Variants in DAB2IP observed in about 807,000 individuals in gnomAD.
DAB2IP encodes the protein DAB2 interacting protein, also known as disabled homolog 2-interacting protein.
Under a neutral mutation model 107.2 loss-of-function variants are expected in DAB2IP, and 28 were observed. The observed-to-expected ratio is 0.26, with a 90% CI of 0.19 to 0.36. The LOEUF (loss-of-function observed/expected upper bound fraction) is 0.36. Ranked by LOEUF, DAB2IP falls within the 10% of genes least tolerant of loss-of-function variation. The pLI is 1.00. For missense variants in DAB2IP, 1,400 were observed against 1,644.7 expected, an observed-to-expected ratio of 0.85 and a Z score of 2.57; for synonymous variants, 755 against 706.4, an observed-to-expected ratio of 1.07 and a Z score of -1.09.
At chr9:121,631,555 C>T (rs1425029091) in intron 1 of DAB2IP, among the ~76,000 whole-genome samples, 2 of 152,050 alleles carry the variant, frequency 1.3e-5, no homozygotes, top group Non-Finnish European at 2.9e-5. Context: ...CGGTGGCTCA[C>T]ACCTGTAATC....
rs116369690 is a variant in DAB2IP, at chr9:121,568,577, C to T, written c.40+1349C>T. On this transcript the variant is annotated intron_variant, in intron 1 of 16. Transcript: ENST00000259371. ...CAGTCTGGAATGGGAGACAGACAAA[C>T]GATCCCAGACTAAATTCAGAGTGAT... Among the ~76,000 whole-genome samples the T allele has an allele frequency of 4.0e-3, 602 of 152,308 alleles. 5 individuals carry two copies. Among genetic ancestry groups the T allele is most frequent in the African/African-American group, 0.013 (541 of 41,572 alleles).
In DAB2IP at chr9:121,567,126, C is replaced by T. The variant is rs186002930; in HGVS notation, c.-63C>T. 193 of 1,605,898 alleles carry T rather than the reference C, an allele frequency of 1.2e-4. No homozygotes were observed. The African/African-American group carries it at 1.3e-3, about 10-fold the overall frequency. On this transcript the variant is annotated 5_prime_UTR_variant, in exon 1 of 17. Transcript: ENST00000259371. The stretch of plus-strand genomic sequence containing the variant: ...TGGAATACAAAAGGAGGAACCCAGA[C>T]GCTCATGGAGACAGCCTCGGTTCAT...
At chr9:121,658,351 G>A (rs973751370) in intron 1 of DAB2IP, among the ~76,000 whole-genome samples, 1 of 152,206 alleles carries the variant, frequency 6.6e-6, no homozygotes, top group African/African-American at 2.4e-5. Flanking sequence ...TTTCCATTAA[G>A]TAGGTATTCG....
intron 1 of DAB2IP, among the ~76,000 whole-genome samples, chr9:121,605,533 C>T (rs898540256): frequency 1.3e-5 from 2 of 152,112 alleles, no homozygotes; most frequent in Non-Finnish European, 2.9e-5. Flanking sequence ...GGGTCTCACT[C>T]TGTCACTCAT....
chr9:121,780,490 C>G lies in DAB2IP; in HGVS notation c.3315-974C>G, dbSNP rs1835533435. ...GCTTGCCCAGTGTGCGGTGGCTGCT[C>G]TAGGCTGGAGGAATCAAGAGGGCAG... On this transcript the variant is annotated intron_variant, in intron 14 of 15. Coordinates refer to ENST00000408936, the Ensembl canonical transcript of DAB2IP. Among the ~76,000 whole-genome samples the G allele has an allele frequency of 4.6e-5, 7 of 152,146 alleles. No homozygotes were observed. In the South Asian group the frequency reaches 1.5e-3, roughly 32 times the overall value.
chr9:121,628,123 T>TTGGGCC (rs1333302993), intron 1 of DAB2IP, among the ~76,000 whole-genome samples: 2 of 152,256 alleles, frequency 1.3e-5, no homozygotes, highest in African/African-American at 4.8e-5. Flanking sequence ...GGCCTTGGGC[T>TTGGGCC]TGGGCCTGGC....
chr9:121,701,585 T>C lies in DAB2IP; in HGVS notation c.362+2127T>C, dbSNP rs1474805715. On this transcript the variant is annotated intron_variant, in intron 3 of 15. Coordinates refer to ENST00000408936, the Ensembl canonical transcript of DAB2IP. The surrounding 1 kb of genome is among the most constrained non-coding windows in gnomAD (Gnocchi z 4.7). ...AGAAAGACTGGGTTTGAAATCTCTC[T>C]ACCCAGCCTTGGAGCTGAAATAGGC... Among the ~76,000 whole-genome samples the C allele has an allele frequency of 6.6e-6, 1 of 152,216 alleles. No homozygotes were observed. The highest frequency in any genetic ancestry group is 1.5e-5 in the Non-Finnish European group (1 of 68,036).
At chr9:121,751,148 G>C in intron 3 of DAB2IP, 1 of 193,726 alleles carries the variant, frequency 5.2e-6, no homozygotes, top group Admixed American at 6.5e-5. Flanking sequence ...CTGCTGCCCG[G>C]CTGCTGTGGA....
At chr9:121,747,561 A>G (rs1446006606) in intron 3 of DAB2IP, among the ~76,000 whole-genome samples, 2 of 151,928 alleles carry the variant, frequency 1.3e-5, no homozygotes, top group East Asian at 1.9e-4. Flanking sequence ...GTTAGCCAGG[A>G]TGGTCTCGAT....
At chr9:121,617,201 T>C (rs962340207) in intron 1 of DAB2IP, among the ~76,000 whole-genome samples, 1 of 152,094 alleles carries the variant, frequency 6.6e-6, no homozygotes, top group Non-Finnish European at 1.5e-5. Context: ...GGCACGCGCC[T>C]GTAATCCCAG....
chr9:121,662,407 C>T lies in DAB2IP; in HGVS notation c.124+10508C>T, dbSNP rs1263856971. Reference sequence around the variant, plus strand: ...TTTTTACATTTTTAAAGGGTTGGAACAAAAAGTCAGAAGAAGGAGAACATA... The same window carrying T: ...TTTTTACATTTTTAAAGGGTTGGAATAAAAAGTCAGAAGAAGGAGAACATA... On this transcript the variant is annotated intron_variant, in intron 1 of 15. Transcript: ENST00000408936. The surrounding 1 kb of genome is among the most constrained non-coding windows in gnomAD (Gnocchi z 4.6). Among the ~76,000 whole-genome samples the T allele has an allele frequency of 2.0e-5, 3 of 152,282 alleles. No homozygotes were observed. Among genetic ancestry groups the T allele is most frequent in the East Asian group, 3.9e-4 (2 of 5,194 alleles).
rs139331381 is a variant in DAB2IP, at chr9:121,701,048, C to T, written c.362+1590C>T. 5.8e-4 allele frequency among the ~76,000 whole-genome samples: 88 copies of T among 152,388 alleles called. No individual in the cohort carries two copies. Among genetic ancestry groups the T allele is most frequent in the African/African-American group, 2.0e-3 (83 of 41,596 alleles). ...TGCCTTCGGCTGTCTTCCCCAGGAACATGCCCTTCTCCGCGCTTTCCTTGG... is the reference window on the plus strand; with the variant it reads ...TGCCTTCGGCTGTCTTCCCCAGGAATATGCCCTTCTCCGCGCTTTCCTTGG... On this transcript the variant is annotated intron_variant, in intron 3 of 15. Transcript: ENST00000408936. This position sits in a 1 kb window ranked among gnomAD's most constrained non-coding sequence, Gnocchi z 4.7.
exon 12 of DAB2IP, chr9:121,773,361 T>C (rs1323793448): frequency 6.6e-7 from 1 of 1,514,380 alleles, no homozygotes; most frequent in Non-Finnish European, 8.9e-7. Flanking sequence ...CACCCTGCAG[T>C]ACCCAAGACC....
At chr9:121,655,637 A>G (rs375660283) in intron 1 of DAB2IP, among the ~76,000 whole-genome samples, 11 of 152,154 alleles carry the variant, frequency 7.2e-5, no homozygotes, top group African/African-American at 1.9e-4. Flanking sequence ...GACTGGTTGC[A>G]TGACTGGGCA....
chr9:121,780,208 A>G (rs1436615382), intron 14 of DAB2IP, among the ~76,000 whole-genome samples: 1 of 152,150 alleles, frequency 6.6e-6, no homozygotes, highest in Non-Finnish European at 1.5e-5. Flanking sequence ...AAGACAAGAG[A>G]GTAAATACAA....
intron 2 of DAB2IP, among the ~76,000 whole-genome samples, chr9:121,682,243 G>A (rs1828638316): frequency 6.6e-6 from 1 of 152,206 alleles, no homozygotes; most frequent in Admixed American, 6.5e-5. Context: ...AGACCCTCGA[G>A]GGAACCCAGG....
At chr9:121,677,830 T>C (rs1476460138) in intron 1 of DAB2IP, among the ~76,000 whole-genome samples, 1 of 151,902 alleles carries the variant, frequency 6.6e-6, no homozygotes, top group Non-Finnish European at 1.5e-5. Flanking sequence ...CCTGGCTAAT[T>C]TTTGTATTGT....
At chr9:121,664,115 T>G (rs1269830269) in intron 1 of DAB2IP, among the ~76,000 whole-genome samples, 2 of 152,240 alleles carry the variant, frequency 1.3e-5, no homozygotes, top group African/African-American at 4.8e-5. Flanking sequence ...CAACTAGTTG[T>G]TTTTTAGAAC....
At chr9:121,686,873 C>T (rs1019635979) in intron 2 of DAB2IP, among the ~76,000 whole-genome samples, 2 of 152,222 alleles carry the variant, frequency 1.3e-5, no homozygotes, top group African/African-American at 2.4e-5. Context: ...ACTTCCATAC[C>T]CTTCCGTCAC....
Sources: allele counts gnomAD v4.1 joint callset (sites outside exome capture counted in the v4.1 genomes callset), GRCh38; gene constraint gnomAD v4.1.1; non-coding constraint Gnocchi (gnomAD v3.1); transcripts MANE v1.5; gene names NCBI Gene and HGNC (gene_info 2026-07-23, HGNC 2026-07-21).